RNF180: variants seen among roughly 807,000 people sequenced by gnomAD.
RNF180 encodes E3 ubiquitin-protein ligase RNF180.
Under a neutral mutation model 59.2 loss-of-function variants are expected in RNF180, and 38 were observed. That is an observed-to-expected ratio of 0.64 (90% CI 0.50 to 0.84). The LOEUF is 0.84. Among genes scored for constraint, RNF180 ranks in the 40% least tolerant of loss-of-function variants. The pLI is 0.00. For synonymous variants in RNF180, 262 were observed against 240.3 expected (o/e 1.09, Z -0.84); for missense variants, 705 against 700.9 (o/e 1.01, Z -0.07).
At chr5:64,317,149 CGTGT>C (rs140830557) in intron 5 of RNF180, among the ~76,000 whole-genome samples, 30 of 151,292 alleles carry the variant, frequency 2.0e-4, no homozygotes, top group Admixed American at 3.3e-4. Flanking sequence ...TATGTGTGTG[CGTGT>C]GTGTGTGTGT....
At chr5:64,238,116 A>G (rs1017079567) in intron 5 of RNF180, among the ~76,000 whole-genome samples, 5 of 152,222 alleles carry the variant, frequency 3.3e-5, no homozygotes, top group Admixed American at 3.3e-4. Flanking sequence ...TGACTGGCTT[A>G]TTCACTTAGC....
chr5:64,250,629 A>G (rs1743506994), intron 5 of RNF180, among the ~76,000 whole-genome samples: 1 of 152,186 alleles, frequency 6.6e-6, no homozygotes. Context: ...ATTATGAACA[A>G]TTATACACCA....
intron 7 of RNF180, among the ~76,000 whole-genome samples, chr5:64,366,498 T>C (rs1447788121): frequency 6.6e-6 from 1 of 151,562 alleles, no homozygotes; most frequent in Non-Finnish European, 1.5e-5. Flanking sequence ...CCTCTATAGC[T>C]AGGTTGGAGG....
intron 5 of RNF180, among the ~76,000 whole-genome samples, chr5:64,298,787 GCATTTA>G (rs1483694321): frequency 6.6e-6 from 1 of 152,050 alleles, no homozygotes; most frequent in African/African-American, 2.4e-5. Flanking sequence ...TGATCTGACA[GCATTTA>G]TAGAAAGTGG....
chr5:64,215,065 T>C lies in RNF180; in HGVS notation c.1191+548T>C, dbSNP rs532357965. Among the ~76,000 whole-genome samples the C allele has an allele frequency of 3.3e-5, 5 of 152,266 alleles. No homozygotes were observed. The South Asian group carries it at 8.3e-4, about 25-fold the overall frequency. ...TCTAAAGGGTAATTTACCCTTATTG[T>C]AATTTCGTAGGAGACTATGCTTCTC... On this transcript the variant is annotated intron_variant, in intron 4 of 7. Coordinates refer to ENST00000389100, the MANE Select transcript of RNF180 (RefSeq NM_001113561.2).
chr5:64,214,782 CTAATT>C (rs1407977076), intron 4 of RNF180, among the ~76,000 whole-genome samples: 2 of 152,068 alleles, frequency 1.3e-5, no homozygotes, highest in Non-Finnish European at 2.9e-5. Context: ...ATATTAATCT[CTAATT>C]AACACTGGAT....
chr5:64,248,918 G>A (rs1279613099), intron 5 of RNF180, among the ~76,000 whole-genome samples: 1 of 152,158 alleles, frequency 6.6e-6, no homozygotes, highest in African/African-American at 2.4e-5. Flanking sequence ...GGAATACAAT[G>A]CAGTCATAAA....
chr5:64,350,794 C>T (rs1053806527), intron 7 of RNF180, among the ~76,000 whole-genome samples: 32 of 152,118 alleles, frequency 2.1e-4, no homozygotes, highest in African/African-American at 6.5e-4. Context: ...CAGTACCATG[C>T]GGTTTTGATT....
At chr5:64,318,876 C>A (rs1744198579) in intron 5 of RNF180, among the ~76,000 whole-genome samples, 1 of 152,000 alleles carries the variant, frequency 6.6e-6, no homozygotes, top group Admixed American at 6.6e-5. Context: ...ATTGAGAGTT[C>A]TCATCAGAGA....
intron 5 of RNF180, among the ~76,000 whole-genome samples, chr5:64,300,042 G>A (rs1743081677): frequency 1.3e-5 from 2 of 151,634 alleles, no homozygotes; most frequent in Non-Finnish European, 2.9e-5. Context: ...ACTGTGTCAT[G>A]GTGCTTGTGT....
intron 5 of RNF180, among the ~76,000 whole-genome samples, chr5:64,280,640 C>G (rs1054164109): frequency 5.3e-5 from 8 of 151,632 alleles, no homozygotes; most frequent in African/African-American, 1.9e-4. Context: ...TTTCTGGTCT[C>G]TCTGTACTGT....
intron 2 of RNF180, among the ~76,000 whole-genome samples, chr5:64,209,513 A>G (rs1248809240): frequency 6.6e-6 from 1 of 150,908 alleles, no homozygotes; most frequent in Non-Finnish European, 1.5e-5. Flanking sequence ...ATGTCTCTAC[A>G]TGCTTTGTGT....
intron 5 of RNF180, among the ~76,000 whole-genome samples, chr5:64,285,129 G>T (rs1277354110): frequency 6.6e-6 from 1 of 152,146 alleles, no homozygotes; most frequent in Non-Finnish European, 1.5e-5. Context: ...CCAGCTCTGG[G>T]GTGGGGCTGG....
At chr5:64,236,384 G>A (rs1322841028) in intron 5 of RNF180, among the ~76,000 whole-genome samples, 1 of 152,224 alleles carries the variant, frequency 6.6e-6, no homozygotes, top group African/African-American at 2.4e-5. Flanking sequence ...AAGCAGCAAA[G>A]CATTCAAGAG....
At chr5:64,319,208 A>T (rs773057540) in intron 5 of RNF180, among the ~76,000 whole-genome samples, 2 of 152,052 alleles carry the variant, frequency 1.3e-5, no homozygotes, top group African/African-American at 4.8e-5. Context: ...ATCTATAAAA[A>T]GGTTACCTTG....
intron 6 of RNF180, among the ~76,000 whole-genome samples, chr5:64,329,197 C>T (rs1250504852): frequency 6.6e-6 from 1 of 152,150 alleles, no homozygotes; most frequent in Non-Finnish European, 1.5e-5. Flanking sequence ...TAAAGTTCTA[C>T]AAGTGTTTTT....
intron 1 of RNF180, among the ~76,000 whole-genome samples, chr5:64,186,153 A>G (rs1285753571): frequency 6.6e-6 from 1 of 152,124 alleles, no homozygotes; most frequent in Admixed American, 6.6e-5. Context: ...TGTATGTGAC[A>G]ATTCCTCTTG....
intron 5 of RNF180, among the ~76,000 whole-genome samples, chr5:64,282,647 A>G (rs748438617): frequency 3.3e-5 from 5 of 151,998 alleles, no homozygotes; most frequent in East Asian, 3.9e-4. Context: ...TTTGAGATCT[A>G]ATTTTTTTAT....
rs1237122027 is a variant in RNF180, at chr5:64,200,938, T to C, written c.131T>C (p.Ile44Thr). 6.2e-7 allele frequency: 1 copy of C among 1,613,470 alleles called. No homozygotes were observed. The highest frequency in any genetic ancestry group is 8.5e-7 in the Non-Finnish European group (1 of 1,179,678). The change falls in exon 2 of 8, where the codon ATT becomes ACT. Residue 44 changes from isoleucine (I) to threonine (T), a missense_variant. Physicochemically the swap from Ile to Thr is moderately conservative, Grantham distance 89 (BLOSUM62 -1). Coordinates refer to ENST00000389100, the MANE Select transcript of RNF180 (RefSeq NM_001113561.2). ...CFMEYLENQV[I>T]KDKDDSVDAQ... ...ATGGAGTATCTTGAGAATCAAGTGA[T>C]TAAGGTGAGTATTGGTAACTCCAGT...
Sources: allele counts gnomAD v4.1 joint callset (sites outside exome capture counted in the v4.1 genomes callset), GRCh38; gene constraint gnomAD v4.1.1; transcripts MANE v1.5; gene names NCBI Gene and HGNC (gene_info 2026-07-23, HGNC 2026-07-21).